TMPRSS11D: variants seen among roughly 807,000 people sequenced by gnomAD.
The protein encoded by TMPRSS11D is transmembrane protease serine 11D.
A neutral mutation model predicts 44.4 loss-of-function variants in TMPRSS11D; 32 were observed. That is an observed-to-expected ratio of 0.72 (90% CI 0.54 to 0.97). The LOEUF (loss-of-function observed/expected upper bound fraction) is 0.97. Among genes scored for constraint, TMPRSS11D ranks in the 50% least tolerant of loss-of-function variants. The pLI is 0.00. For missense variants in TMPRSS11D, 446 were observed against 502.6 expected, an observed-to-expected ratio of 0.89 and a Z score of 1.08; for synonymous variants, 179 against 177.9, an observed-to-expected ratio of 1.01 and a Z score of -0.05.
chr4:67,857,469 C>T (rs1057064274), intron 2 of TMPRSS11D, among the ~76,000 whole-genome samples: 12 of 151,788 alleles, frequency 7.9e-5, no homozygotes, highest in Non-Finnish European at 1.6e-4. Flanking sequence ...ACAAAATTAG[C>T]CAGGCATGGT....
At position 67,837,926 on chromosome 4, in the gene TMPRSS11D, T is replaced by C. The variant is rs1035945637; in HGVS notation, c.475+246A>G. On this transcript the variant is annotated intron_variant, in intron 5 of 9. Coordinates refer to ENST00000283916, the MANE Select transcript of TMPRSS11D (RefSeq NM_004262.3). ...TGACAGTAACATCACTCATAAGGAA[T>C]GTTGCAGGGATAATTAATGAGAATT... The C allele has an allele frequency of 9.6e-6, 3 of 311,674 alleles. No homozygotes were observed. The Admixed American group carries it at 1.5e-4, about 16-fold the overall frequency. 19.3% of individuals were successfully genotyped at this position (311,674 alleles called of 1,614,324 possible).
In TMPRSS11D at chr4:67,858,903, T is replaced by C. The variant is rs139421600; in HGVS notation, c.130+654A>G. On this transcript the variant is annotated intron_variant, in intron 2 of 9. Coordinates refer to ENST00000283916, the MANE Select transcript of TMPRSS11D (RefSeq NM_004262.3). ...AGCATGATATGTGTATTCTTTACAT[T>C]ATTTTTTCTTGTCCACATTGTCTAT... Among the ~76,000 whole-genome samples the C allele has an allele frequency of 5.2e-3, 798 of 152,250 alleles. 1 individual carries two copies. Among genetic ancestry groups the C allele is most frequent in the Middle Eastern group, 0.031 (9 of 294 alleles).
chr4:67,840,333 G>A (rs1433557927), intron 4 of TMPRSS11D, among the ~76,000 whole-genome samples: 2 of 151,964 alleles, frequency 1.3e-5, no homozygotes, highest in African/African-American at 2.4e-5. Context: ...GGGGGGAAAC[G>A]TCCCTATAAT....
At chr4:67,876,620 T>C (rs1354091435) in intron 1 of TMPRSS11D, among the ~76,000 whole-genome samples, 1 of 152,180 alleles carries the variant, frequency 6.6e-6, no homozygotes, top group Non-Finnish European at 1.5e-5. Context: ...ATAAATAAAG[T>C]GATCTGCAGT....
In TMPRSS11D at chr4:67,854,186, T is replaced by C. The variant is rs914864326; in HGVS notation, c.131A>G (p.Asp44Gly). The change falls in exon 3 of 10, where the codon GAT becomes GGT. Residue 44 changes from aspartate (D) to glycine (G), a missense_variant and splice_region_variant. Asp to Gly is a moderately conservative substitution (Grantham distance 94). Transcript: ENST00000283916. ...IALLVYFLAF[D>G]QKSYFYRSSF... ...GCTCCTATAAAAGTAAGATTTTTGA[T>C]CTGAAAAAGAAATAAAAGGGAAGGT... 2.7e-6 allele frequency: 4 copies of C among 1,468,654 alleles called. No homozygotes were observed. The highest frequency in any genetic ancestry group is 3.8e-6 in the Non-Finnish European group (4 of 1,065,686). 91.0% of individuals were successfully genotyped at this position (1,468,654 alleles called of 1,614,324 possible).
intron 1 of TMPRSS11D, among the ~76,000 whole-genome samples, chr4:67,860,679 G>T (rs531453464): frequency 6.6e-6 from 1 of 151,980 alleles, no homozygotes; most frequent in Non-Finnish European, 1.5e-5. Context: ...AATATTTATC[G>T]CCTGTGTTAA....
intron 3 of TMPRSS11D, among the ~76,000 whole-genome samples, chr4:67,851,896 T>C (rs2109681879): frequency 6.6e-6 from 1 of 152,334 alleles, no homozygotes; most frequent in East Asian, 1.9e-4. Context: ...TTCTGGCGCC[T>C]GGTGTATCTC....
chr4:67,883,309 T>C (rs1719366680), intron 1 of TMPRSS11D, among the ~76,000 whole-genome samples: 1 of 152,052 alleles, frequency 6.6e-6, no homozygotes, highest in South Asian at 2.1e-4. Flanking sequence ...ACGTGTGACT[T>C]GATTATCTCA....
At chr4:67,853,022 G>A (rs1454147122) in intron 3 of TMPRSS11D, among the ~76,000 whole-genome samples, 2 of 152,222 alleles carry the variant, frequency 1.3e-5, no homozygotes, top group Non-Finnish European at 2.9e-5. Context: ...AGCAGAGGTA[G>A]TTTCTTATAA....
chr4:67,880,532 T>C (rs1195809367), intron 1 of TMPRSS11D, among the ~76,000 whole-genome samples: 1 of 152,104 alleles, frequency 6.6e-6, no homozygotes, highest in African/African-American at 2.4e-5. Flanking sequence ...TCTTGCACTA[T>C]TAAATTCAGG....
Position 67,825,727 on chromosome 4 carries a change from C to T in TMPRSS11D, c.1095+5G>A. ...ATGACATGGATGAGATTGTCTTGAGCTTACCTGACATGCGTCCACTCCACC... is the reference window on the plus strand; with the variant it reads ...ATGACATGGATGAGATTGTCTTGAGTTTACCTGACATGCGTCCACTCCACC... On this transcript the variant is annotated splice_donor_5th_base_variant and intron_variant, in intron 9 of 9. Transcript: ENST00000283916. 1.9e-6 allele frequency: 3 copies of T among 1,612,244 alleles called. No homozygotes were observed. The highest frequency in any genetic ancestry group is 2.5e-6 in the Non-Finnish European group (3 of 1,179,008).
At chr4:67,846,972 T>C (rs1387946553) in intron 3 of TMPRSS11D, among the ~76,000 whole-genome samples, 1 of 152,130 alleles carries the variant, frequency 6.6e-6, no homozygotes, top group African/African-American at 2.4e-5. Flanking sequence ...ATGGGTGATC[T>C]TGGCTCACTG....
At chr4:67,832,282 C>T (rs532446006) in intron 7 of TMPRSS11D, among the ~76,000 whole-genome samples, 159 of 152,142 alleles carry the variant, frequency 1.0e-3, no homozygotes, top group African/African-American at 3.7e-3. Flanking sequence ...CAGGGGCACA[C>T]GAGTTCAAAT....
At chr4:67,850,303 C>T (rs1049050711) in intron 3 of TMPRSS11D, among the ~76,000 whole-genome samples, 4 of 152,110 alleles carry the variant, frequency 2.6e-5, no homozygotes, top group Non-Finnish European at 5.9e-5. Context: ...GAAGGTGGCC[C>T]CTCAGACACC....
At chr4:67,867,224 A>G (rs751080755) in intron 1 of TMPRSS11D, among the ~76,000 whole-genome samples, 8 of 152,072 alleles carry the variant, frequency 5.3e-5, no homozygotes, top group Non-Finnish European at 8.8e-5. Context: ...AAAAACATAC[A>G]CTGGGGAAAG....
At position 67,822,183 on chromosome 4, in the gene TMPRSS11D, A is replaced by G; in HGVS notation, c.*154T>C. 1 of 841,752 alleles carries G rather than the reference A, an allele frequency of 1.2e-6. No homozygotes were observed. The highest frequency in any genetic ancestry group is 2.4e-5 in the Admixed American group (1 of 42,446). 52.1% of individuals were successfully genotyped at this position (841,752 alleles called of 1,614,324 possible). ...GAAAATAGAAAACCTTTAATAATAA[A>G]GAAAGGTTAAACAGTGTTTGTTAAA... On this transcript the variant is annotated 3_prime_UTR_variant, in exon 10 of 10. Coordinates refer to ENST00000283916, the MANE Select transcript of TMPRSS11D (RefSeq NM_004262.3).
Position 67,835,113 on chromosome 4 carries a change from C to A in TMPRSS11D, c.484G>T (p.Asp162Tyr). The A allele has an allele frequency of 1.2e-6, 2 of 1,611,770 alleles. No individual in the cohort carries two copies. Among genetic ancestry groups the A allele is most frequent in the South Asian group, 2.2e-5 (2 of 90,960 alleles). Reference protein sequence around the residue: ...NPSTEITSLTDQAAANWLINE... With the variant: ...NPSTEITSLTYQAAANWLINE... ...ATAAGCCAATTTGCTGCAGCCTGGT[C>A]AGTAAGTGCTAGTATTAAAAAATGA... The change falls in exon 6 of 10, where the codon GAC becomes TAC. Residue 162 changes from aspartate to tyrosine, a missense_variant. Transcript: ENST00000283916.
chr4:67,825,847 C>A lies in TMPRSS11D; in HGVS notation c.980G>T (p.Gly327Val). The change falls in exon 9 of 10, where the codon GGA becomes GTA. Residue 327 changes from glycine to valine, a missense_variant. Gly to Val is a moderately radical substitution (Grantham distance 109). Coordinates refer to ENST00000283916, the MANE Select transcript of TMPRSS11D (RefSeq NM_004262.3). ...ATCATTACTTATTATTCTGACCTGT[C>A]CTTGCCTTAGCTCTGGAACTGTGTG... ...AGHTVPELRQ[G>V]QVRIISNDVC... 1 of 1,612,558 alleles carries A rather than the reference C, an allele frequency of 6.2e-7. No homozygotes were observed. Among genetic ancestry groups the A allele is most frequent in the Non-Finnish European group, 8.5e-7 (1 of 1,179,096 alleles).
intron 1 of TMPRSS11D, among the ~76,000 whole-genome samples, chr4:67,865,258 C>G (rs187838061): frequency 1.3e-5 from 2 of 151,460 alleles, no homozygotes; most frequent in African/African-American, 4.8e-5. Context: ...CCAACATGCT[C>G]CTGAATGATC....
Sources: allele counts gnomAD v4.1 joint callset (sites outside exome capture counted in the v4.1 genomes callset), GRCh38; gene constraint gnomAD v4.1.1; transcripts MANE v1.5; gene names NCBI Gene and HGNC (gene_info 2026-07-23, HGNC 2026-07-21).